Variants in HPF1 observed in about 807,000 individuals in gnomAD.
HPF1 encodes histone PARylation factor 1.
Under a neutral mutation model 38.8 loss-of-function variants are expected in HPF1, and 35 were observed. That is an observed-to-expected ratio of 0.90 (90% CI 0.69 to 1.19). The LOEUF (loss-of-function observed/expected upper bound fraction) is 1.19, where lower values mean the gene tolerates loss of function less well. HPF1 is among the 50% of genes most tolerant of loss of function. HPF1 has a pLI of 0.00. For synonymous variants in HPF1, 115 were observed against 139.2 expected (o/e 0.83, Z 1.22); for missense variants, 367 against 405.8 (o/e 0.90, Z 0.82).
intron 4 of HPF1, among the ~76,000 whole-genome samples, 186 bp downstream of exon 4, chr4:169,748,558 A>C (rs1462510359): frequency 1.3e-5 from 2 of 152,094 alleles, no homozygotes; most frequent in Admixed American, 1.3e-4. Flanking sequence ...TTTTTAGTAG[A>C]GATGGGGTAT....
intron 5 of HPF1, among the ~76,000 whole-genome samples, chr4:169,738,605 G>A (rs1351414308): frequency 6.6e-6 from 1 of 151,966 alleles, no homozygotes; most frequent in Non-Finnish European, 1.5e-5. Context: ...CCAGTCTCTT[G>A]CTTCTTTCAT....
At chr4:169,750,228 T>C (rs1734100031) in intron 3 of HPF1, among the ~76,000 whole-genome samples, 1 of 148,832 alleles carries the variant, frequency 6.7e-6, no homozygotes, top group South Asian at 2.1e-4. Flanking sequence ...TAACTACCAG[T>C]TGCCACTCTG....
intron 5 of HPF1, among the ~76,000 whole-genome samples, chr4:169,738,597 A>G (rs927325224): frequency 1.3e-5 from 2 of 152,150 alleles, no homozygotes; most frequent in Admixed American, 6.5e-5. Context: ...CTATTCTCCC[A>G]GTCTCTTGCT....
rs766511038 is a variant in HPF1 at position 169,748,825 on chromosome 4, A to C, written c.416T>G (p.Phe139Cys). The change falls in exon 4 of 8, where the codon TTT becomes TGT. Residue 139 changes from phenylalanine (F) to cysteine (C), a missense_variant. By Grantham distance (205) the Phe-to-Cys change is radical (BLOSUM62 -2). Coordinates refer to ENST00000393381, the MANE Select transcript of HPF1 (RefSeq NM_017867.3). ...TTCATTTATACCAACATATACAGGA[A>C]ATTCATCAGGAGAATCCCTGTGTAA... ...MGYFRDSPDE[F>C]PVYVGINEAK... is the part of the protein sequence containing the mutation. The C allele has an allele frequency of 2.3e-5, 35 of 1,494,522 alleles. No homozygotes were observed. The highest frequency in any genetic ancestry group is 2.8e-5 in the Non-Finnish European group (31 of 1,102,350). 92.6% of individuals were successfully genotyped at this position (1,494,522 alleles called of 1,614,324 possible). A position where few individuals can be genotyped will look rare whatever the true frequency, so the allele number is the denominator to read the frequency against.
chr4:169,737,989 T>C (rs1338582888), intron 5 of HPF1, among the ~76,000 whole-genome samples: 1 of 152,116 alleles, frequency 6.6e-6, no homozygotes, highest in Non-Finnish European at 1.5e-5. Flanking sequence ...ATTGTGCCAG[T>C]CACTTGGAAG....
intron 4 of HPF1, among the ~76,000 whole-genome samples, chr4:169,746,349 T>C (rs1443436043): frequency 6.6e-6 from 1 of 152,188 alleles, no homozygotes; most frequent in East Asian, 1.9e-4. Context: ...GTACTTCACA[T>C]AGTACCTGAC....
At chr4:169,729,870 T>C (rs1733807360) in intron 7 of HPF1, among the ~76,000 whole-genome samples, 161 bp from the exon 8 acceptor site, 1 of 152,192 alleles carries the variant, frequency 6.6e-6, no homozygotes, top group Non-Finnish European at 1.5e-5. Context: ...GACAGGCGCC[T>C]GGCATTCTAA....
chr4:169,757,659 C>G (rs1329556283), intron 1 of HPF1, among the ~76,000 whole-genome samples, 171 bp downstream of exon 1: 1 of 152,208 alleles, frequency 6.6e-6, no homozygotes, highest in African/African-American at 2.4e-5. Flanking sequence ...CTGGTCCAAC[C>G]CCCTGCAGAG....
chr4:169,732,592 T>C (rs1297702046), intron 6 of HPF1, among the ~76,000 whole-genome samples: 2 of 152,178 alleles, frequency 1.3e-5, no homozygotes, highest in African/African-American at 4.8e-5. Context: ...GTTTTTTTCA[T>C]TTTTAAATGG....
In HPF1 at chr4:169,753,830, T is replaced by C. The variant is rs1734150351; in HGVS notation, c.54A>G (p.Glu18=). 6.2e-7 allele frequency: 1 copy of C among 1,602,972 alleles called. No homozygotes were observed. The highest frequency in any genetic ancestry group is 1.4e-5 in the African/African-American group (1 of 73,978). The change falls in exon 2 of 8, where the codon GAA becomes GAG. Residue 18 remains glutamate, a synonymous_variant. Transcript: ENST00000393381. ...TACTTTTCTTCACATCAGTTGTTTT[T>C]TCACACTGAAAATTGGCACACAAAC... ...RRPGGEGPQC[E]KTTDVKKSKF...
At chr4:169,743,902 A>G (rs1489738701) in intron 4 of HPF1, among the ~76,000 whole-genome samples, 1 of 151,954 alleles carries the variant, frequency 6.6e-6, no homozygotes, top group Non-Finnish European at 1.5e-5. Context: ...CACAGAGGAT[A>G]GTCAACTTAC....
At chr4:169,741,876 GGTAAA>G in intron 5 of HPF1, 76 bp downstream of exon 5, 7 of 1,163,920 alleles carry the variant, frequency 6.0e-6, no homozygotes, top group South Asian at 1.4e-5. Context: ...GGAAGAGAAG[GGTAAA>G]GTAGAGATGG....
chr4:169,756,794 C>G (rs1734193380), intron 1 of HPF1, among the ~76,000 whole-genome samples: 1 of 152,214 alleles, frequency 6.6e-6, no homozygotes, highest in African/African-American at 2.4e-5. Context: ...TTCTTCACTG[C>G]ACCTTCAAAA....
intron 1 of HPF1, 149 bp downstream of exon 1, chr4:169,757,681 G>C (rs1287273927): frequency 1.3e-6 from 1 of 761,126 alleles, no homozygotes; most frequent in African/African-American, 1.8e-5. Flanking sequence ...GCGAAACAGC[G>C]GCCCTGGGCA....
chr4:169,742,733 A>G (rs1443855993), intron 4 of HPF1, among the ~76,000 whole-genome samples: 1 of 152,198 alleles, frequency 6.6e-6, no homozygotes, highest in Non-Finnish European at 1.5e-5. Context: ...CAGAGCTTGC[A>G]GTGAACCGAG....
intron 4 of HPF1, among the ~76,000 whole-genome samples, chr4:169,748,491 C>A (rs1437428105): frequency 6.6e-6 from 1 of 152,078 alleles, no homozygotes; most frequent in South Asian, 2.1e-4. Flanking sequence ...CTGACTCAGC[C>A]TCCTGAGTAG....
At position 169,757,895 on chromosome 4, in the gene HPF1, A is replaced by G; in HGVS notation, c.-18T>C. On this transcript the variant is annotated 5_prime_UTR_variant, in exon 1 of 8. Coordinates refer to ENST00000393381, the MANE Select transcript of HPF1 (RefSeq NM_017867.3). ...CCGACCATTCTGCAGCTGCAGCGCC[A>G]GCAGAATTCCCCGATCCGCGGCCGC... 6.5e-7 allele frequency: 1 copy of G among 1,548,390 alleles called. No individual in the cohort carries two copies. The highest frequency in any genetic ancestry group is 1.4e-5 in the African/African-American group (1 of 73,434).
At chr4:169,751,135 G>T (rs1338229014) in intron 2 of HPF1, among the ~76,000 whole-genome samples, 1 of 152,168 alleles carries the variant, frequency 6.6e-6, no homozygotes, top group East Asian at 1.9e-4. Flanking sequence ...GCCAGGTGTG[G>T]TCGCTCACAC....
intron 5 of HPF1, among the ~76,000 whole-genome samples, chr4:169,740,485 C>G (rs560447271): frequency 1.3e-5 from 2 of 152,316 alleles, no homozygotes; most frequent in African/African-American, 4.8e-5. Flanking sequence ...TGCTTACGCT[C>G]ACACACAAGG....
Sources: gnomAD v4.1 joint callset for allele counts (sites outside exome capture counted in the v4.1 genomes callset) on GRCh38, gnomAD v4.1.1 for gene constraint, MANE v1.5 for transcripts, NCBI Gene and HGNC (gene_info 2026-07-23, HGNC 2026-07-21) for gene names.